The following GK variants were observed in gnomAD, a reference collection of about 807,000 sequenced individuals.
The protein encoded by GK is glycerol kinase, also known as ATP:glycerol 3-phosphotransferase.
In GK, 9 loss-of-function variants were observed where a neutral mutation model predicts 56.4. The ratio of observed to expected loss-of-function variants is 0.16; its 90% confidence interval spans 0.10 to 0.28. GK has a LOEUF of 0.28. GK is among the 10% of genes least tolerant of loss of function. The pLI is 1.00. For synonymous variants in GK, 104 were observed against 144.1 expected, an observed-to-expected ratio of 0.72 and a Z score of 1.99; for missense variants, 161 against 431.4, an observed-to-expected ratio of 0.37 and a Z score of 5.55.
chrX:30,714,029 AT>A (rs1231376014), intron 13 of GK, among the ~76,000 whole-genome samples: 3 of 111,162 alleles, frequency 2.7e-5, no homozygotes, highest in Non-Finnish European at 5.7e-5. Context: ...ATGTTAGGCC[AT>A]TTTTTTCTTT....
intron 9 of GK, among the ~76,000 whole-genome samples, chrX:30,699,737 T>A (rs1390688056): frequency 9.0e-6 from 1 of 111,300 alleles, no homozygotes; most frequent in African/African-American, 3.3e-5. Context: ...TGTCTTTTTT[T>A]AAAATTAAGG....
chrX:30,721,709 T>G (rs1311790969), intron 18 of GK: 1 of 111,764 alleles, frequency 8.9e-6, no homozygotes. Flanking sequence ...CATAATTAGC[T>G]GGGTTAAGAG....
At chrX:30,664,263 G>A (rs755295094) in intron 1 of GK, among the ~76,000 whole-genome samples, 14 of 99,309 alleles carry the variant, frequency 1.4e-4, no homozygotes, top group Admixed American at 1.1e-3. Flanking sequence ...GCGTGATCTC[G>A]GCTCACCGCA....
intron 3 of GK, among the ~76,000 whole-genome samples, chrX:30,673,235 C>A (rs73632539): frequency 9.0e-6 from 1 of 111,678 alleles, no homozygotes; most frequent in Admixed American, 9.6e-5. Context: ...AAGAGCAATA[C>A]GATATATGAT....
At chrX:30,689,718 C>T (rs1008634352) in intron 4 of GK, 3 of 253,391 alleles carry the variant, frequency 1.2e-5, no homozygotes, top group Non-Finnish European at 2.3e-5. Flanking sequence ...CAGACCCATT[C>T]CTGGAGCTGG....
At chrX:30,721,815 C>T (rs1425747289) in intron 18 of GK, 3 of 112,679 alleles carry the variant, frequency 2.7e-5, no homozygotes, top group African/African-American at 9.7e-5. Context: ...ACTGTGCTAA[C>T]TAAGCTAAGC....
chrX:30,667,293 A>G (rs1017311603), intron 2 of GK, among the ~76,000 whole-genome samples: 1 of 112,198 alleles, frequency 8.9e-6, no homozygotes, highest in Non-Finnish European at 1.9e-5. Context: ...TCTGGATCCT[A>G]TGGTAGAATC....
At chrX:30,701,265 C>T (rs920858380) in intron 11 of GK, among the ~76,000 whole-genome samples, 11 of 110,832 alleles carry the variant, frequency 9.9e-5, no homozygotes, top group African/African-American at 2.3e-4. Context: ...CAAAATTAGC[C>T]GGGCGTGTTG....
intron 4 of GK, among the ~76,000 whole-genome samples, chrX:30,684,219 T>A (rs1934452550): frequency 8.9e-6 from 1 of 112,163 alleles, no homozygotes; most frequent in African/African-American, 3.2e-5. Context: ...AAATGTTCTG[T>A]CCAAACTAGA....
intron 1 of GK, among the ~76,000 whole-genome samples, chrX:30,660,278 T>G (rs1932654798): frequency 1.8e-5 from 2 of 110,776 alleles, no homozygotes; most frequent in South Asian, 7.5e-4. Context: ...GTATATACTG[T>G]GTCTGCACGG....
At chrX:30,692,458 T>C (rs1934997847) in intron 5 of GK, among the ~76,000 whole-genome samples, 1 of 111,718 alleles carries the variant, frequency 9.0e-6, no homozygotes, top group Admixed American at 9.5e-5. Context: ...TCAAATTAAA[T>C]AATATTTCCA....
chrX:30,675,513 A>C (rs953608183), intron 3 of GK, among the ~76,000 whole-genome samples: 3 of 101,751 alleles, frequency 2.9e-5, no homozygotes, highest in African/African-American at 7.4e-5. Flanking sequence ...AATGATTTTT[A>C]TTCTTCTTTT....
At chrX:30,682,191 T>C (rs1258011245) in intron 4 of GK, among the ~76,000 whole-genome samples, 2 of 111,687 alleles carry the variant, frequency 1.8e-5, no homozygotes, top group East Asian at 2.8e-4. Flanking sequence ...GAACTTGTAA[T>C]AGAAGCTAAT....
At chrX:30,678,478 A>G (rs1934062944) in intron 4 of GK, among the ~76,000 whole-genome samples, 1 of 111,624 alleles carries the variant, frequency 9.0e-6, no homozygotes, top group Admixed American at 9.6e-5. Context: ...TGGGATGGGG[A>G]ATGGAATCAG....
At chrX:30,721,240 C>G (rs1475855447) in intron 18 of GK, 3 of 405,221 alleles carry the variant, frequency 7.4e-6, no homozygotes, top group Non-Finnish European at 8.7e-6. Flanking sequence ...GTTTATGGTC[C>G]TTTAGTGTAG....
At chrX:30,699,318 TTA>T (rs368129196) in intron 9 of GK, among the ~76,000 whole-genome samples, 23 of 15,137 alleles carry the variant, frequency 1.5e-3, no homozygotes, top group Non-Finnish European at 2.5e-3. Flanking sequence ...ATATAACATG[TTA>T]TATATATATA....
In GK at chrX:30,689,657, C is replaced by G. The variant is rs757997629; in HGVS notation, c.338-1466C>G. The stretch of plus-strand genomic sequence containing the variant: ...AGCTGAGAAGAGGGACTCTTGCAGA[C>G]TGAGCACAAATCTCTTTGACCACAT... On this transcript the variant is annotated intron_variant, in intron 4 of 20. Coordinates refer to ENST00000427190, the MANE Select transcript of GK (RefSeq NM_001205019.2). The G allele has an allele frequency of 3.9e-4, 120 of 307,833 alleles. 1 individual carries two copies. Among genetic ancestry groups the G allele is most frequent in the African/African-American group, 2.7e-3 (101 of 37,307 alleles). 25.4% of individuals were successfully genotyped at this position (307,833 alleles called of 1,213,427 possible). A position where few individuals can be genotyped will look rare whatever the true frequency, so the allele number is the denominator to read the frequency against.
At chrX:30,705,852 G>T (rs1038991551) in intron 11 of GK, among the ~76,000 whole-genome samples, 5 of 112,009 alleles carry the variant, frequency 4.5e-5, no homozygotes, top group African/African-American at 1.3e-4. Context: ...ACTCACTTAA[G>T]AATTCACTTT....
intron 4 of GK, among the ~76,000 whole-genome samples, chrX:30,679,328 G>A (rs369982536): frequency 1.9e-5 from 2 of 106,081 alleles, no homozygotes; most frequent in East Asian, 5.9e-4. Context: ...AGTGATTTTC[G>A]TGCCTCGGCC....
Sources: gnomAD v4.1 joint callset for allele counts (sites outside exome capture counted in the v4.1 genomes callset) on GRCh38, gnomAD v4.1.1 for gene constraint, MANE v1.5 for transcripts, NCBI Gene and HGNC (gene_info 2026-07-23, HGNC 2026-07-21) for gene names.